The following CNTNAP2 variants were observed in gnomAD, a reference collection of about 807,000 sequenced individuals.
CNTNAP2 encodes the protein contactin associated protein 2, also known as contactin-associated protein-like 2.
In CNTNAP2, 98 loss-of-function variants were observed where a neutral mutation model predicts 155.2. The ratio of observed to expected loss-of-function variants is 0.63; its 90% CI spans 0.54 to 0.75. The LOEUF is 0.75. Among genes scored for constraint, CNTNAP2 ranks in the 30% least tolerant of loss-of-function variants. The pLI, the probability that CNTNAP2 is intolerant of heterozygous loss-of-function variation, is 0.00. For synonymous variants in CNTNAP2, 651 were observed against 631.2 expected (o/e 1.03, Z -0.47); for missense variants, 1,727 against 1,688.1 (o/e 1.02, Z -0.40).
At chr7:148,343,291 G>A (rs138055969) in intron 21 of CNTNAP2, among the ~76,000 whole-genome samples, 14 of 152,284 alleles carry the variant, frequency 9.2e-5, no homozygotes, top group African/African-American at 3.4e-4. Context: ...TATTTTCCCA[G>A]GCAAAAGTGG....
intron 1 of CNTNAP2, among the ~76,000 whole-genome samples, chr7:146,359,229 T>C (rs919850923): frequency 1.3e-5 from 2 of 152,228 alleles, no homozygotes; most frequent in South Asian, 4.1e-4. Flanking sequence ...GAAATACATA[T>C]AATTTTTTAT....
chr7:146,676,505 G>A (rs528002142), intron 1 of CNTNAP2, among the ~76,000 whole-genome samples: 1 of 151,886 alleles, frequency 6.6e-6, no homozygotes, highest in South Asian at 2.1e-4. Flanking sequence ...GTGCGGGTTT[G>A]TAAACATGTG....
intron 10 of CNTNAP2, among the ~76,000 whole-genome samples, chr7:147,426,200 T>C (rs1797375328): frequency 6.6e-6 from 1 of 151,634 alleles, no homozygotes; most frequent in African/African-American, 2.4e-5. Flanking sequence ...TTTTTTTAAA[T>C]AAAAAAGAGC....
intron 15 of CNTNAP2, among the ~76,000 whole-genome samples, chr7:148,101,437 A>G (rs1804098473): frequency 6.6e-6 from 1 of 151,718 alleles, no homozygotes; most frequent in East Asian, 1.9e-4. Context: ...GGAGAAAACC[A>G]AGTGGATTGA....
At chr7:147,667,153 G>A (rs1002465611) in intron 13 of CNTNAP2, among the ~76,000 whole-genome samples, 7 of 152,162 alleles carry the variant, frequency 4.6e-5, no homozygotes, top group African/African-American at 1.7e-4. Flanking sequence ...TTTTCATTAC[G>A]TTATGTGAAA....
At chr7:148,322,549 CT>C (rs1797811744) in intron 21 of CNTNAP2, among the ~76,000 whole-genome samples, 1 of 152,170 alleles carries the variant, frequency 6.6e-6, no homozygotes, top group Non-Finnish European at 1.5e-5. Flanking sequence ...AAATAGCCCT[CT>C]CTTAAAGTTG....
At chr7:147,255,378 C>T (rs1320085998) in intron 8 of CNTNAP2, among the ~76,000 whole-genome samples, 3 of 152,044 alleles carry the variant, frequency 2.0e-5, no homozygotes, top group African/African-American at 4.8e-5. Flanking sequence ...CATGCCACTA[C>T]GGCTGACTAA....
chr7:147,786,368 A>AG (rs1163131098), intron 13 of CNTNAP2, among the ~76,000 whole-genome samples: 1 of 118,030 alleles, frequency 8.5e-6, no homozygotes, highest in Non-Finnish European at 1.6e-5. Context: ...AACAGTGAGG[A>AG]GGGGGTCTGG....
chr7:147,629,566 C>G (rs1012329652), intron 12 of CNTNAP2, among the ~76,000 whole-genome samples: 15 of 151,672 alleles, frequency 9.9e-5, no homozygotes, highest in African/African-American at 2.7e-4. Flanking sequence ...CCAAGATAGA[C>G]CATATGATAG....
chr7:147,880,854 G>GGTGTGTGTGTGTGTGT lies in CNTNAP2; in HGVS notation c.2099-22686_2099-22671dup, dbSNP rs71183032. ...CATTTTCATGTGATGATTGGAGTTG[G>GGTGTGTGTGTGTGTGT]GTGTGTGTGTGTGTGTGTGTGTGTG... On this transcript the variant is annotated intron_variant, in intron 13 of 23. Coordinates refer to ENST00000361727, the MANE Select transcript of CNTNAP2 (RefSeq NM_014141.6). 2.0e-4 allele frequency among the ~76,000 whole-genome samples: 28 copies of GGTGTGTGTGTGTGTGT among 143,180 alleles called. No individual in the cohort carries two copies. In the East Asian group the frequency reaches 3.1e-3, roughly 16 times the overall value. The allele number at this position is 143,180 out of a possible 152,430, so 93.9% of individuals were successfully genotyped here. A position where few individuals can be genotyped will look rare whatever the true frequency, so the allele number is the denominator to read the frequency against.
chr7:147,583,861 C>T (rs890927865), intron 12 of CNTNAP2, among the ~76,000 whole-genome samples: 3 of 152,108 alleles, frequency 2.0e-5, no homozygotes, highest in South Asian at 2.1e-4. Flanking sequence ...GTCTTACTAT[C>T]GGTAGCATCT....
At chr7:147,171,353 C>T (rs1336502335) in intron 8 of CNTNAP2, among the ~76,000 whole-genome samples, 1 of 152,166 alleles carries the variant, frequency 6.6e-6, no homozygotes, top group Admixed American at 6.5e-5. Context: ...GGTAGCGGCC[C>T]TTCCTGGCTG....
chr7:147,230,426 T>C (rs145074446), intron 8 of CNTNAP2, among the ~76,000 whole-genome samples: 5 of 152,116 alleles, frequency 3.3e-5, no homozygotes, highest in African/African-American at 1.2e-4. Flanking sequence ...CTGGGCTAAT[T>C]TGTGTATTTT....
chr7:147,971,472 A>G (rs927210825), intron 14 of CNTNAP2, among the ~76,000 whole-genome samples: 2 of 146,454 alleles, frequency 1.4e-5, no homozygotes, highest in Non-Finnish European at 3.0e-5. Flanking sequence ...TTCTGTTTCT[A>G]CTCCCAGCCC....
intron 3 of CNTNAP2, among the ~76,000 whole-genome samples, chr7:146,964,100 G>C (rs1460525488): frequency 1.3e-5 from 2 of 152,162 alleles, no homozygotes; most frequent in Non-Finnish European, 2.9e-5. Flanking sequence ...ATCTATTAAA[G>C]TCCTATTTGT....
chr7:146,201,088 A>G (rs1012403110), intron 1 of CNTNAP2, among the ~76,000 whole-genome samples: 1 of 152,182 alleles, frequency 6.6e-6, no homozygotes, highest in African/African-American at 2.4e-5. Context: ...GAGATTTTCC[A>G]TATTTTTGTT....
intron 1 of CNTNAP2, among the ~76,000 whole-genome samples, chr7:146,205,430 T>A (rs576498211): frequency 4.0e-4 from 61 of 152,076 alleles, no homozygotes; most frequent in Admixed American, 6.6e-4. Flanking sequence ...GGATTTTTTT[T>A]AAAAATGTGT....
chr7:146,698,395 C>T (rs1465959907), intron 1 of CNTNAP2, among the ~76,000 whole-genome samples: 1 of 152,064 alleles, frequency 6.6e-6, no homozygotes, highest in African/African-American at 2.4e-5. Context: ...CATTATTTCC[C>T]TTCAAAGAAT....
intron 13 of CNTNAP2, among the ~76,000 whole-genome samples, chr7:147,677,094 CA>C (rs1175960866): frequency 6.6e-6 from 1 of 151,014 alleles, no homozygotes; most frequent in Non-Finnish European, 1.5e-5. Flanking sequence ...GAGGAACCTC[CA>C]TACTGTTTTA....
Sources: allele counts gnomAD v4.1 joint callset (sites outside exome capture counted in the v4.1 genomes callset), GRCh38; gene constraint gnomAD v4.1.1; transcripts MANE v1.5; gene names NCBI Gene and HGNC (gene_info 2026-07-23, HGNC 2026-07-21).